KLHL30: variants seen among roughly 807,000 people sequenced by gnomAD.
The protein encoded by KLHL30 is kelch like family member 30.
A neutral mutation model predicts 55.0 loss-of-function variants in KLHL30; 55 were observed. The ratio of observed to expected loss-of-function variants is 1.00; its 90% CI spans 0.80 to 1.25. KLHL30 has a LOEUF of 1.25. KLHL30 is among the 50% of genes most tolerant of loss of function. KLHL30 has a pLI of 0.00. For synonymous variants in KLHL30, 356 were observed against 372.6 expected (o/e 0.96, Z 0.51); for missense variants, 786 against 811.6 (o/e 0.97, Z 0.38).
At chr2:238,144,159 A>G (rs1202182328) in intron 3 of KLHL30, among the ~76,000 whole-genome samples, 1 of 152,166 alleles carries the variant, frequency 6.6e-6, no homozygotes, top group Non-Finnish European at 1.5e-5. Context: ...CAATAATCCT[A>G]ACAGCTGTCA....
In KLHL30 at chr2:238,147,880, G is replaced by A. The variant is rs374523665; in HGVS notation, c.1197G>A (p.Thr399=). 207 of 1,595,286 alleles carry A rather than the reference G, an allele frequency of 1.3e-4. 1 individual carries two copies. In the African/African-American group the frequency reaches 2.1e-3, roughly 16 times the overall value. Reference sequence around the variant, plus strand: ...AGGTGGAGAGCTATGACCCCTACACGGACAGCTGGACGCCCGTCAGCCCGG... The same window carrying A: ...AGGTGGAGAGCTATGACCCCTACACAGACAGCTGGACGCCCGTCAGCCCGG... The part of the protein sequence containing the change: ...VVEVESYDPY[T]DSWTPVSPAL... Residue 399 remains threonine, a synonymous_variant, in exon 6 of 8, where the codon ACG becomes ACA. Coordinates refer to ENST00000409223, the MANE Select transcript of KLHL30 (RefSeq NM_198582.4). This position sits in a 1 kb window ranked among gnomAD's most constrained non-coding sequence, Gnocchi z 5.8.
chr2:238,144,759 G>A, intron 3 of KLHL30, 143 bp from the exon 4 acceptor site: 1 of 683,454 alleles, frequency 1.5e-6, no homozygotes, highest in Non-Finnish European at 2.6e-6. Flanking sequence ...CCGTACCAGT[G>A]TCACCCTGCC....
chr2:238,149,314 C>T (rs549564978), intron 7 of KLHL30, among the ~76,000 whole-genome samples, 162 bp downstream of exon 7: 2 of 144,024 alleles, frequency 1.4e-5, no homozygotes, highest in African/African-American at 5.5e-5. Context: ...AAGGGGGTGG[C>T]GCAGGCTGGG....
intron 6 of KLHL30, among the ~76,000 whole-genome samples, chr2:238,148,226 G>C (rs7606281): frequency 0.83 from 125,913 of 151,854 alleles, 52,655 homozygotes; most frequent in African/African-American, 0.95. Flanking sequence ...CACTGCGTCA[G>C]CTCCGCAGAG....
rs1316180096 is a variant in KLHL30, at chr2:238,150,973, C to G, written c.1645C>G (p.Leu549Val). 3.1e-6 allele frequency: 5 copies of G among 1,590,602 alleles called. No homozygotes were observed. The highest frequency in any genetic ancestry group is 4.3e-6 in the Non-Finnish European group (5 of 1,169,978). Residue 549 changes from leucine (L) to valine (V), a missense_variant, in exon 8 of 8, where the codon CTG (leucine) becomes GTG (valine). Leu to Val is a conservative substitution (Grantham distance 32). Transcript: ENST00000409223. Reference sequence around the variant, plus strand: ...GGACACCTGGACCCGCCACGGCGCCCTGCCCCGGCTCTGGCTCTACCACGG... The same window carrying G: ...GGACACCTGGACCCGCCACGGCGCCGTGCCCCGGCTCTGGCTCTACCACGG... ...VRDTWTRHGA[L>V]PRLWLYHGAS...
At chr2:238,142,414 G>T (rs1692559193) in intron 2 of KLHL30, among the ~76,000 whole-genome samples, 1 of 152,166 alleles carries the variant, frequency 6.6e-6, no homozygotes, top group Non-Finnish European at 1.5e-5. Context: ...AGGGTGGATG[G>T]CTGTGGGAGA....
At position 238,141,113 on chromosome 2, in the gene KLHL30, A is replaced by T; in HGVS notation, c.359A>T (p.Lys120Met). Residue 120 changes from lysine (K) to methionine (M), a missense_variant, in exon 2 of 8, where the codon AAG becomes ATG. Transcript: ENST00000409223. The stretch of plus-strand genomic sequence containing the variant: ...CGCCTGCACTTCCCCTCGGTGCAGA[A>T]GGTCTGCGGCCGCTACCTGCAGCAG... ...AARLHFPSVQKVCGRYLQQQL... is the reference protein window; with the variant it reads ...AARLHFPSVQMVCGRYLQQQL... 1.2e-6 allele frequency: 2 copies of T among 1,610,196 alleles called. No individual in the cohort carries two copies. The highest frequency in any genetic ancestry group is 1.7e-6 in the Non-Finnish European group (2 of 1,178,032).
At chr2:238,140,646 C>T in intron 1 of KLHL30, 39 bp from the exon 2 acceptor site, 1 of 1,191,984 alleles carries the variant, frequency 8.4e-7, no homozygotes, top group East Asian at 2.6e-5. Flanking sequence ...GAGGATGAGA[C>T]CATCCCCACT....
At position 238,149,077 on chromosome 2, in the gene KLHL30, C is replaced by T. The variant is rs367649730; in HGVS notation, c.1410C>T (p.His470=). 1.2e-4 allele frequency: 190 copies of T among 1,613,314 alleles called. No homozygotes were observed. The highest frequency in any genetic ancestry group is 1.1e-3 in the African/African-American group (84 of 75,056). The part of the protein sequence containing the change: ...YLSSPRCAAL[H]GELYLIGDNT... ...CCTCGCCTCGCTGTGCTGCACTGCACGGGGAGCTCTACCTCATTGGGGACA... is the reference window on the plus strand; with the variant it reads ...CCTCGCCTCGCTGTGCTGCACTGCATGGGGAGCTCTACCTCATTGGGGACA... Residue 470 remains histidine, a synonymous_variant, in exon 7 of 8, where the codon CAC becomes CAT. Coordinates refer to ENST00000409223, the MANE Select transcript of KLHL30 (RefSeq NM_198582.4).
Position 238,151,327 on chromosome 2 carries a change from C to A in KLHL30, c.*262C>A. 1 of 560,056 alleles carries A rather than the reference C, an allele frequency of 1.8e-6. No individual in the cohort carries two copies. Among genetic ancestry groups the A allele is most frequent in the Non-Finnish European group, 3.1e-6 (1 of 319,104 alleles). The allele number at this position is 560,056 out of a possible 1,614,324, so 34.7% of individuals were successfully genotyped here. A position where few individuals can be genotyped will look rare whatever the true frequency, so the allele number is the denominator to read the frequency against. On this transcript the variant is annotated 3_prime_UTR_variant, in exon 8 of 8. Transcript: ENST00000409223. ...ATAACAGGGACAGGAAGCTCTGCTGCCCCTGGGGTTCCCGAGACCTCAGAG... is the reference window on the plus strand; with the variant it reads ...ATAACAGGGACAGGAAGCTCTGCTGACCCTGGGGTTCCCGAGACCTCAGAG...
At chr2:238,149,661 G>A (rs1430300696) in intron 7 of KLHL30, among the ~76,000 whole-genome samples, 2 of 152,182 alleles carry the variant, frequency 1.3e-5, no homozygotes, top group Non-Finnish European at 2.9e-5. Context: ...TAGGGACCAG[G>A]AGGGAGGGCA....
intron 3 of KLHL30, among the ~76,000 whole-genome samples, chr2:238,144,403 G>GC (rs1180091454): frequency 8.2e-5 from 10 of 122,628 alleles, no homozygotes; most frequent in East Asian, 5.2e-4. Context: ...AGGAAGGAAG[G>GC]AAGGAAGGAA....
rs781420508 is a variant in KLHL30, at chr2:238,147,993, T to C, written c.1310T>C (p.Leu437Pro). 2.6e-6 allele frequency: 4 copies of C among 1,532,644 alleles called. No homozygotes were observed. Among genetic ancestry groups the C allele is most frequent in the South Asian group, 2.5e-5 (2 of 80,266 alleles). The allele number at this position is 1,532,644 out of a possible 1,614,324, so 94.9% of individuals were successfully genotyped here. Reference protein sequence around the residue: ...VGSSACKYNALALQCYNPVTD... With the variant: ...VGSSACKYNAPALQCYNPVTD... ...TCCAGCGCCTGCAAGTACAACGCCCTGGCCCTGCAGTGCTACAACCCTGTC... is the reference window on the plus strand; with the variant it reads ...TCCAGCGCCTGCAAGTACAACGCCCCGGCCCTGCAGTGCTACAACCCTGTC... The change falls in exon 6 of 8, where the codon CTG (leucine) becomes CCG (proline). Residue 437 changes from leucine to proline, a missense_variant. Coordinates refer to ENST00000409223, the MANE Select transcript of KLHL30 (RefSeq NM_198582.4). This position sits in a 1 kb window ranked among gnomAD's most constrained non-coding sequence, Gnocchi z 5.8.
intron 3 of KLHL30, among the ~76,000 whole-genome samples, chr2:238,144,119 G>A (rs1468752149): frequency 2.0e-5 from 3 of 152,186 alleles, no homozygotes; most frequent in African/African-American, 7.2e-5. Flanking sequence ...CCTGACTTGG[G>A]CACATTGCTC....
intron 4 of KLHL30, 91 bp from the exon 5 acceptor site, chr2:238,145,586 T>C (rs1048649096): frequency 4.2e-6 from 6 of 1,438,544 alleles, no homozygotes; most frequent in African/African-American, 1.4e-5. Context: ...TGGCCTGGCA[T>C]GGGAGGAGGT....
In KLHL30 at chr2:238,151,945, C is replaced by T; in HGVS notation, c.*880C>T. 1 of 985,480 alleles carries T rather than the reference C, an allele frequency of 1.0e-6. No individual in the cohort carries two copies. Among genetic ancestry groups the T allele is most frequent in the South Asian group, 4.7e-5 (1 of 21,294 alleles). The allele number at this position is 985,480 out of a possible 1,614,324, so 61.0% of individuals were successfully genotyped here. Reference sequence around the variant, plus strand: ...GGTGAGGGGTAGCATCCGATGGGCCCCTGCCAGCATGCAGCCCGACTCCGG... The same window carrying T: ...GGTGAGGGGTAGCATCCGATGGGCCTCTGCCAGCATGCAGCCCGACTCCGG... On this transcript the variant is annotated 3_prime_UTR_variant, in exon 8 of 8. Coordinates refer to ENST00000409223, the MANE Select transcript of KLHL30 (RefSeq NM_198582.4).
chr2:238,149,098 G>A lies in KLHL30; in HGVS notation c.1431G>A (p.Gly477=), dbSNP rs1247839144. ...AALHGELYLI[G]DNTKKVYVYD... ...TGCACGGGGAGCTCTACCTCATTGG[G>A]GACAACACCAAGAAGGTCTACGTGT... The change falls in exon 7 of 8, where the codon GGG becomes GGA. Residue 477 remains glycine (G), a synonymous_variant. Transcript: ENST00000409223. 1 of 1,613,092 alleles carries A rather than the reference G, an allele frequency of 6.2e-7. No individual in the cohort carries two copies. Among genetic ancestry groups the A allele is most frequent in the Non-Finnish European group, 8.5e-7 (1 of 1,179,860 alleles).
intron 1 of KLHL30, 65 bp from the exon 2 acceptor site, chr2:238,140,620 C>G: frequency 1.2e-6 from 1 of 835,462 alleles, no homozygotes; most frequent in Non-Finnish European, 1.8e-6. Context: ...ATGGACAGAC[C>G]GGGTGGGTTG....
At position 238,142,843 on chromosome 2, in the gene KLHL30, G is replaced by T. The variant is rs375285138; in HGVS notation, c.819G>T (p.Val273=). 2.7e-6 allele frequency: 4 copies of T among 1,456,212 alleles called. No individual in the cohort carries two copies. The African/African-American group carries it at 6.0e-5, about 22-fold the overall frequency. The allele number at this position is 1,456,212 out of a possible 1,614,324, so 90.2% of individuals were successfully genotyped here. A position where few individuals can be genotyped will look rare whatever the true frequency, so the allele number is the denominator to read the frequency against. ...LQQKLEEVLV[V]VGGQALEEEE... is the part of the protein sequence containing the mutation. The stretch of plus-strand genomic sequence containing the variant: ...AGAAGCTGGAGGAGGTCCTGGTGGT[G>T]GTGGGCGGGCAGGCGCTGGAGGAGG... Residue 273 remains valine, a synonymous_variant, in exon 3 of 8, where the codon GTG becomes GTT. Transcript: ENST00000409223.
Sources: gnomAD v4.1 joint callset for allele counts (sites outside exome capture counted in the v4.1 genomes callset) on GRCh38, gnomAD v4.1.1 for gene constraint, Gnocchi (gnomAD v3.1) non-coding constraint, MANE v1.5 for transcripts, NCBI Gene and HGNC (gene_info 2026-07-23, HGNC 2026-07-21) for gene names.